THAP12: variants seen among roughly 807,000 people sequenced by gnomAD.
THAP12 encodes 52 kDa repressor of the inhibitor of the protein kinase.
Under a neutral mutation model 63.0 loss-of-function variants are expected in THAP12, and 20 were observed. That is an observed-to-expected ratio of 0.32 (90% CI 0.22 to 0.46). THAP12 has a LOEUF of 0.46. Ranked by LOEUF, THAP12 falls within the 20% of genes least tolerant of loss-of-function variation. THAP12 has a pLI of 1.00. For synonymous variants in THAP12, 264 were observed against 328.4 expected (o/e 0.80, Z 2.12); for missense variants, 568 against 908.2 (o/e 0.63, Z 4.81).
chr11:76,377,571 G>A (rs975276333), intron 1 of THAP12, among the ~76,000 whole-genome samples: 1 of 152,212 alleles, frequency 6.6e-6, no homozygotes, highest in South Asian at 2.1e-4. Flanking sequence ...ACTGTAGTAT[G>A]TACTGGCACT....
Position 76,351,740 on chromosome 11 carries a change from G to A in THAP12, c.1410C>T (p.Leu470=), listed in dbSNP as rs1946528377. 1 of 1,613,390 alleles carries A rather than the reference G, an allele frequency of 6.2e-7. No individual in the cohort carries two copies. Reference sequence around the variant, plus strand: ...AATCAAAATCTGACACTGCACTGCAGAGTACAAATGCTCGGCCAGCTATAT... The same window carrying A: ...AATCAAAATCTGACACTGCACTGCAAAGTACAAATGCTCGGCCAGCTATAT... The part of the protein sequence containing the change: ...NNYIAGRAFV[L]CSAVSDFDFI... Residue 470 remains leucine (L), a synonymous_variant, in exon 5 of 5, where the codon CTC becomes CTT. Transcript: ENST00000260045.
intron 1 of THAP12, among the ~76,000 whole-genome samples, chr11:76,370,432 G>A (rs1240798599): frequency 6.6e-6 from 1 of 151,496 alleles, no homozygotes; most frequent in African/African-American, 2.4e-5. Flanking sequence ...GTGCAATCTC[G>A]GCTCACTGCA....
intron 1 of THAP12, among the ~76,000 whole-genome samples, chr11:76,376,640 C>G: frequency 1.6e-5 from 1 of 64,476 alleles, no homozygotes; most frequent in East Asian, 4.1e-4. Flanking sequence ...TTTTTTTTTT[C>G]AGGTAAGAGT....
chr11:76,360,511 G>GT (rs1301321096), intron 3 of THAP12, among the ~76,000 whole-genome samples: 3 of 152,084 alleles, frequency 2.0e-5, no homozygotes, highest in African/African-American at 4.8e-5. Flanking sequence ...AAATTTCAGT[G>GT]TTTTTTTCTA....
intron 1 of THAP12, chr11:76,368,576 A>G (rs1464141737): frequency 6.6e-6 from 1 of 152,280 alleles, no homozygotes; most frequent in African/African-American, 2.4e-5. Context: ...TGTAAAGCTT[A>G]TTAAGACAAG....
intron 4 of THAP12, among the ~76,000 whole-genome samples, chr11:76,354,727 C>T (rs1305548421): frequency 6.6e-6 from 1 of 152,164 alleles, no homozygotes; most frequent in Non-Finnish European, 1.5e-5. Context: ...CCTGTTATCA[C>T]CTACTTATAA....
At chr11:76,362,523 A>G (rs1946604360) in intron 2 of THAP12, among the ~76,000 whole-genome samples, 1 of 152,348 alleles carries the variant, frequency 6.6e-6, no homozygotes, top group East Asian at 1.9e-4. Flanking sequence ...GTAACACTCA[A>G]CTTCTAGTGC....
chr11:76,355,301 G>A (rs996298268), intron 4 of THAP12, among the ~76,000 whole-genome samples: 4 of 152,206 alleles, frequency 2.6e-5, no homozygotes, highest in South Asian at 4.1e-4. Flanking sequence ...GAGATTCAGT[G>A]CATGCCTCTA....
rs141787974 is a variant in THAP12 at position 76,355,637 on chromosome 11, C to T, written c.336G>A (p.Arg112=). The stretch of plus-strand genomic sequence containing the variant: ...ACTTACTTTTTTTCTGTTTCAGTGT[C>T]CTGATTTCATCTTCACTCTAAATGT... ...RIKELSEDEI[R]TLKQKKIDET... Residue 112 remains arginine, a synonymous_variant, in exon 4 of 5, where the codon AGG becomes AGA. Transcript: ENST00000260045. 14 of 1,594,156 alleles carry T rather than the reference C, an allele frequency of 8.8e-6. No individual in the cohort carries two copies. The African/African-American group carries it at 1.9e-4, about 22-fold the overall frequency.
At chr11:76,364,661 G>A (rs1946619293) in intron 2 of THAP12, among the ~76,000 whole-genome samples, 3 of 152,164 alleles carry the variant, frequency 2.0e-5, no homozygotes, top group African/African-American at 7.2e-5. Flanking sequence ...CTCCTTATTA[G>A]GAACTGGGGC....
At chr11:76,353,441 A>G (rs1946540675) in intron 4 of THAP12, among the ~76,000 whole-genome samples, 1 of 152,232 alleles carries the variant, frequency 6.6e-6, no homozygotes, top group Non-Finnish European at 1.5e-5. Context: ...TCTGGCTCCA[A>G]GATCCATGCT....
intron 1 of THAP12, among the ~76,000 whole-genome samples, chr11:76,373,247 A>G (rs574737683): frequency 5.9e-5 from 9 of 151,352 alleles, no homozygotes; most frequent in Non-Finnish European, 1.3e-4. Flanking sequence ...TTGGGAGGAT[A>G]AGGCAGGAGA....
intron 3 of THAP12, chr11:76,357,029 C>T (rs531565652): frequency 4.7e-5 from 7 of 148,156 alleles, no homozygotes; most frequent in South Asian, 2.1e-4. Flanking sequence ...GCAACAAGAG[C>T]GAGACTCTGT....
chr11:76,380,636 G>A (rs947832764), intron 1 of THAP12, 112 bp downstream of exon 1: 51 of 793,400 alleles, frequency 6.4e-5, no homozygotes, highest in Non-Finnish European at 8.2e-5. Flanking sequence ...AGTGCGCTGC[G>A]CCCGCCTCCT....
chr11:76,352,385 T>A lies in THAP12; in HGVS notation c.765A>T (p.Arg255Ser). ...CIREETLREVRDSHFFSIITD... is the reference protein window; with the variant it reads ...CIREETLREVSDSHFFSIITD... Reference sequence around the variant, plus strand: ...TGATAATGGAAAAGAAGTGTGAGTCTCTCACTTCCCTGAGAGTTTCTTCTC... The same window carrying A: ...TGATAATGGAAAAGAAGTGTGAGTCACTCACTTCCCTGAGAGTTTCTTCTC... Residue 255 changes from arginine (R) to serine (S), a missense_variant, in exon 5 of 5, where the codon AGA becomes AGT. Transcript: ENST00000260045. The A allele has an allele frequency of 6.2e-7, 1 of 1,612,022 alleles. No individual in the cohort carries two copies. Among genetic ancestry groups the A allele is most frequent in the Non-Finnish European group, 8.5e-7 (1 of 1,179,836 alleles).
At chr11:76,378,129 G>A (rs1946724157) in intron 1 of THAP12, among the ~76,000 whole-genome samples, 2 of 152,174 alleles carry the variant, frequency 1.3e-5, no homozygotes, top group Non-Finnish European at 2.9e-5. Flanking sequence ...ATCTAAGAAT[G>A]TGGTGCCAGC....
intron 1 of THAP12, among the ~76,000 whole-genome samples, chr11:76,373,154 T>C (rs1946685610): frequency 6.6e-6 from 1 of 152,030 alleles, no homozygotes; most frequent in African/African-American, 2.4e-5. Context: ...TGTTCCAGCC[T>C]GGGCAACATG....
rs375250324 is a variant in THAP12, at chr11:76,351,008, G to A, written c.2142C>T (p.Asp714=). ...GCAAAGCCAAGTTACTTGACCTTTG[G>A]TCTGTCAAAGTGTTCCTCAAATATG... is the stretch of plus-strand genomic sequence containing the variant. ...LKAYLRNTLT[D]QRSSNLALLN... Residue 714 remains aspartate, a synonymous_variant, in exon 5 of 5, where the codon GAC becomes GAT. Coordinates refer to ENST00000260045, the MANE Select transcript of THAP12 (RefSeq NM_004705.4). The A allele has an allele frequency of 6.2e-7, 1 of 1,611,790 alleles. No homozygotes were observed. The highest frequency in any genetic ancestry group is 8.5e-7 in the Non-Finnish European group (1 of 1,179,762).
At chr11:76,369,668 T>C (rs1360015272) in intron 1 of THAP12, among the ~76,000 whole-genome samples, 1 of 152,232 alleles carries the variant, frequency 6.6e-6, no homozygotes, top group Non-Finnish European at 1.5e-5. Flanking sequence ...TTCTGGGAAT[T>C]TGGAATTTTA....
Sources: gnomAD v4.1 joint callset for allele counts (sites outside exome capture counted in the v4.1 genomes callset) on GRCh38, gnomAD v4.1.1 for gene constraint, MANE v1.5 for transcripts, NCBI Gene and HGNC (gene_info 2026-07-23, HGNC 2026-07-21) for gene names.